SNX29: variants seen among roughly 807,000 people sequenced by gnomAD.
SNX29 encodes sorting nexin-29.
A neutral mutation model predicts 102.1 loss-of-function variants in SNX29; 78 were observed. The observed-to-expected ratio is 0.76, with a 90% CI of 0.64 to 0.92. The LOEUF (loss-of-function observed/expected upper bound fraction) is 0.92, where lower values mean the gene tolerates loss of function less well. SNX29 is among the 40% of genes least tolerant of loss of function. The pLI, the probability that SNX29 is intolerant of heterozygous loss-of-function variation, is 0.00. For synonymous variants in SNX29, 580 were observed against 414.5 expected, an observed-to-expected ratio of 1.40 and a Z score of -4.85; for missense variants, 1,280 against 1,061.7, an observed-to-expected ratio of 1.21 and a Z score of -2.86.
chr16:12,107,389 T>C (rs57150996), intron 11 of SNX29, among the ~76,000 whole-genome samples: 6 of 150,446 alleles, frequency 4.0e-5, no homozygotes, highest in African/African-American at 1.5e-4. Context: ...ATTTAAGACC[T>C]GGTGCGGTGG....
intron 14 of SNX29, among the ~76,000 whole-genome samples, chr16:12,235,772 C>T (rs1489761599): frequency 6.6e-6 from 1 of 150,834 alleles, no homozygotes; most frequent in African/African-American, 2.5e-5. Flanking sequence ...TGGATGAAAA[C>T]ATGGGTTGTA....
chr16:12,561,648 C>G (rs543377024), intron 20 of SNX29, among the ~76,000 whole-genome samples: 5 of 152,318 alleles, frequency 3.3e-5, no homozygotes, highest in African/African-American at 1.2e-4. Flanking sequence ...AGAACAGCCA[C>G]TCCTGGGGCC....
At chr16:12,544,166 A>C (rs2077476811) in intron 20 of SNX29, among the ~76,000 whole-genome samples, 2 of 152,196 alleles carry the variant, frequency 1.3e-5, no homozygotes, top group Non-Finnish European at 2.9e-5. Flanking sequence ...AGAACACGGG[A>C]TGGGAATCGG....
intron 15 of SNX29, among the ~76,000 whole-genome samples, chr16:12,312,324 G>A (rs1267737611): frequency 6.6e-6 from 1 of 152,164 alleles, no homozygotes; most frequent in East Asian, 1.9e-4. Flanking sequence ...AATTTCCAGC[G>A]CTCAGCCAGA....
chr16:12,317,847 CG>C (rs1232473352), intron 15 of SNX29, among the ~76,000 whole-genome samples: 4 of 152,208 alleles, frequency 2.6e-5, no homozygotes, highest in Non-Finnish European at 5.9e-5. Flanking sequence ...CTCCCCGTGC[CG>C]GGGTGGGGGG....
At chr16:12,077,247 C>T (rs537669288) in intron 10 of SNX29, among the ~76,000 whole-genome samples, 1 of 151,712 alleles carries the variant, frequency 6.6e-6, no homozygotes, top group African/African-American at 2.4e-5. Flanking sequence ...CCACTGCACT[C>T]CAGCCTAGTT....
chr16:12,308,549 A>G (rs750186869), intron 15 of SNX29, among the ~76,000 whole-genome samples: 2 of 152,040 alleles, frequency 1.3e-5, no homozygotes, highest in African/African-American at 2.4e-5. Context: ...ATGTTTGTCA[A>G]CTTGTTGTGC....
At chr16:11,996,255 G>T (rs1195075489) in intron 1 of SNX29, among the ~76,000 whole-genome samples, 1 of 152,034 alleles carries the variant, frequency 6.6e-6, no homozygotes, top group East Asian at 1.9e-4. Flanking sequence ...GTGGTGCCCT[G>T]TGCCTGTAGT....
intron 11 of SNX29, among the ~76,000 whole-genome samples, chr16:12,080,331 C>T (rs906797558): frequency 2.0e-5 from 3 of 152,190 alleles, no homozygotes; most frequent in African/African-American, 4.8e-5. Flanking sequence ...AAGGCTGCTG[C>T]GTGGGAACGG....
chr16:12,533,134 A>T (rs892886118), intron 20 of SNX29, among the ~76,000 whole-genome samples: 4 of 152,236 alleles, frequency 2.6e-5, no homozygotes, highest in African/African-American at 9.6e-5. Flanking sequence ...GCTTAGAAAC[A>T]CGGCCGCCTT....
chr16:12,010,507 T>A (rs2056611985), intron 3 of SNX29, among the ~76,000 whole-genome samples: 1 of 151,986 alleles, frequency 6.6e-6, no homozygotes, highest in African/African-American at 2.4e-5. Context: ...AGGCCTGTGG[T>A]CTCAGCTACT....
chr16:12,004,832 C>G (rs2056402376), intron 3 of SNX29, among the ~76,000 whole-genome samples: 1 of 152,238 alleles, frequency 6.6e-6, no homozygotes, highest in Non-Finnish European at 1.5e-5. Flanking sequence ...TAGGTTTTCT[C>G]CATTGCACGT....
At chr16:12,127,148 A>C (rs1266271291) in intron 12 of SNX29, among the ~76,000 whole-genome samples, 1 of 151,652 alleles carries the variant, frequency 6.6e-6, no homozygotes, top group African/African-American at 2.4e-5. Context: ...AATCCCAGCT[A>C]CTCAGGAGGC....
intron 19 of SNX29, among the ~76,000 whole-genome samples, chr16:12,493,838 C>T (rs1049679261): frequency 4.6e-5 from 7 of 152,172 alleles, no homozygotes; most frequent in Admixed American, 6.5e-5. Context: ...ATGATCCACC[C>T]GCCTCGGCCT....
chr16:12,000,627 A>C (rs2056254465), intron 2 of SNX29: 1 of 152,662 alleles, frequency 6.6e-6, no homozygotes, highest in African/African-American at 2.4e-5. Context: ...GGGCTCAAGC[A>C]ATCCTCCCAC....
intron 15 of SNX29, among the ~76,000 whole-genome samples, chr16:12,325,799 G>C (rs949336637): frequency 2.0e-5 from 3 of 152,054 alleles, no homozygotes; most frequent in African/African-American, 7.2e-5. Context: ...GTCCAAGGCA[G>C]GAGAATTGCT....
rs1464101207 is a variant in SNX29 at position 11,996,046 on chromosome 16, C to T, written c.8-3251C>T. On this transcript the variant is annotated intron_variant, in intron 1 of 20. Coordinates refer to ENST00000566228, the MANE Select transcript of SNX29 (RefSeq NM_032167.5). ...CTGCACTCCAGCCTGGGTGACACAG[C>T]AACACTCCGTCTCAGAAAAAAAAAA... Among the ~76,000 whole-genome samples, 12 of 148,892 alleles carry T rather than the reference C, an allele frequency of 8.1e-5. No individual in the cohort carries two copies. In the Admixed American group the frequency reaches 8.1e-4, roughly 10 times the overall value.
intron 15 of SNX29, among the ~76,000 whole-genome samples, chr16:12,335,824 T>A (rs553476417): frequency 6.6e-6 from 1 of 152,316 alleles, no homozygotes; most frequent in Admixed American, 6.5e-5. Flanking sequence ...GTACCATAGT[T>A]ATCCTTCCCG....
intron 15 of SNX29, among the ~76,000 whole-genome samples, chr16:12,300,977 C>T (rs117709441): frequency 3.0e-4 from 45 of 152,310 alleles, no homozygotes; most frequent in African/African-American, 1.0e-3. Context: ...GCATCTCACA[C>T]TGAATAAGGC....
Sources: gnomAD v4.1 joint callset for allele counts (sites outside exome capture counted in the v4.1 genomes callset) on GRCh38, gnomAD v4.1.1 for gene constraint, MANE v1.5 for transcripts, NCBI Gene and HGNC (gene_info 2026-07-23, HGNC 2026-07-21) for gene names.